LZTS1: variants seen among roughly 807,000 people sequenced by gnomAD.
The protein encoded by LZTS1 is leucine zipper putative tumor suppressor 1.
LZTS1 carries 31 observed loss-of-function variants against 45.8 expected under a neutral mutation model. That is an observed-to-expected ratio of 0.68 (90% CI 0.51 to 0.91). LZTS1 has a LOEUF of 0.91. Ranked by LOEUF, LZTS1 falls within the 40% of genes least tolerant of loss-of-function variation. LZTS1 has a pLI of 0.00. For synonymous variants in LZTS1, 359 were observed against 357.3 expected (o/e 1.00, Z -0.05); for missense variants, 821 against 788.9 (o/e 1.04, Z -0.49).
rs571345752 is a variant in LZTS1, at chr8:20,247,956, G to C, written c.*1766C>G. ...TGGCTACAGTCAAAAATAGAACATG[G>C]AACAGCCTGCTAGGTCTGGCTTGCT... On this transcript the variant is annotated 3_prime_UTR_variant, in exon 4 of 4. Transcript: ENST00000381569. 1 of 152,704 alleles carries C rather than the reference G, an allele frequency of 6.5e-6. No homozygotes were observed. The highest frequency in any genetic ancestry group is 2.4e-5 in the African/African-American group (1 of 41,548). The allele number at this position is 152,704 out of a possible 1,614,324, so 9.5% of individuals were successfully genotyped here. A position where few individuals can be genotyped will look rare whatever the true frequency, so the allele number is the denominator to read the frequency against.
At chr8:20,289,659 C>T (rs11204109) in intron 1 of LZTS1, 40,964 of 152,058 alleles carry the variant, frequency 0.27, 5,872 homozygotes, top group South Asian at 0.39. Context: ...TCCCTAAGAC[C>T]CTCCTGGGTG....
intron 1 of LZTS1, among the ~76,000 whole-genome samples, chr8:20,284,662 C>T (rs898070110): frequency 6.6e-6 from 1 of 152,100 alleles, no homozygotes; most frequent in Non-Finnish European, 1.5e-5. Context: ...TGGTTCTCGC[C>T]TCTGCATTTG....
At chr8:20,253,692 C>T (rs1415216319) in intron 2 of LZTS1, 107 bp from the exon 3 acceptor site, 10 of 811,390 alleles carry the variant, frequency 1.2e-5, no homozygotes, top group South Asian at 4.5e-5. Flanking sequence ...GCTCTCTGAG[C>T]GCACGCAGCA....
At position 20,250,435 on chromosome 8, in the gene LZTS1, G is replaced by A. The variant is rs576151141; in HGVS notation, c.1150-72C>T. On this transcript the variant is annotated intron_variant, in intron 3 of 3. Transcript: ENST00000381569. ...TACCCAGGGAAGTGACAGCTCAGCT[G>A]CCTAAAATAACCAAGCCACTCCGGA... The A allele has an allele frequency of 7.6e-6, 11 of 1,451,498 alleles. No individual in the cohort carries two copies. In the African/African-American group the frequency reaches 8.5e-5, roughly 11 times the overall value. 89.9% of individuals were successfully genotyped at this position (1,451,498 alleles called of 1,614,324 possible).
chr8:20,303,068 G>C (rs796165271), intron 1 of LZTS1, among the ~76,000 whole-genome samples: 1 of 152,106 alleles, frequency 6.6e-6, no homozygotes, highest in South Asian at 2.1e-4. Flanking sequence ...GTAGTGTGGG[G>C]CTGTCTGTGT....
intron 1 of LZTS1, among the ~76,000 whole-genome samples, chr8:20,269,705 G>A (rs1398124007): frequency 6.6e-6 from 1 of 152,178 alleles, no homozygotes; most frequent in Non-Finnish European, 1.5e-5. Flanking sequence ...GTTGACACCT[G>A]GTTAGCCTTT....
At chr8:20,250,579 A>C (rs2128891246) in intron 3 of LZTS1, among the ~76,000 whole-genome samples, 1 of 152,314 alleles carries the variant, frequency 6.6e-6, no homozygotes, top group African/African-American at 2.4e-5. Flanking sequence ...ATAAAATAAT[A>C]ATAATCATGT....
At chr8:20,278,537 C>A (rs1038955285) in intron 1 of LZTS1, among the ~76,000 whole-genome samples, 2 of 152,220 alleles carry the variant, frequency 1.3e-5, no homozygotes, top group African/African-American at 4.8e-5. Context: ...GTGCTTCACT[C>A]CATTTCATTC....
chr8:20,266,435 G>A (rs866540908), intron 1 of LZTS1, among the ~76,000 whole-genome samples: 6 of 152,120 alleles, frequency 3.9e-5, no homozygotes, highest in Non-Finnish European at 5.9e-5. Context: ...CTTAAACTGA[G>A]GTCTCCACAT....
At chr8:20,298,723 G>A (rs1801018898) in intron 1 of LZTS1, among the ~76,000 whole-genome samples, 2 of 152,162 alleles carry the variant, frequency 1.3e-5, no homozygotes, top group South Asian at 4.1e-4. Context: ...AATTAGCCAG[G>A]TGTGTTGGTA....
chr8:20,295,387 T>C (rs1800963619), intron 1 of LZTS1, among the ~76,000 whole-genome samples: 1 of 152,218 alleles, frequency 6.6e-6, no homozygotes, highest in African/African-American at 2.4e-5. Context: ...CCAAGCCCTG[T>C]AGATTCCCTT....
intron 1 of LZTS1, among the ~76,000 whole-genome samples, chr8:20,276,467 A>T (rs1800585141): frequency 6.6e-6 from 1 of 152,220 alleles, no homozygotes; most frequent in South Asian, 2.1e-4. Flanking sequence ...GGGCTCAGGA[A>T]GTTTCTGGAT....
chr8:20,291,065 G>T (rs1800892646), intron 1 of LZTS1, among the ~76,000 whole-genome samples: 1 of 152,220 alleles, frequency 6.6e-6, no homozygotes, highest in Admixed American at 6.5e-5. Flanking sequence ...CCCACTTTCA[G>T]AGCTGAGTCC....
chr8:20,298,770 G>T (rs2128899973), intron 1 of LZTS1, among the ~76,000 whole-genome samples: 1 of 152,078 alleles, frequency 6.6e-6, no homozygotes, highest in East Asian at 2.0e-4. Flanking sequence ...AGTCTGAGGA[G>T]AGAGGACTGG....
At chr8:20,277,157 T>C (rs1800600874) in intron 1 of LZTS1, among the ~76,000 whole-genome samples, 2 of 152,246 alleles carry the variant, frequency 1.3e-5, no homozygotes, top group African/African-American at 4.8e-5. Context: ...AAGATGGTGA[T>C]GAGAGTGACC....
chr8:20,278,716 T>G (rs2128896925), intron 1 of LZTS1, among the ~76,000 whole-genome samples: 1 of 152,318 alleles, frequency 6.6e-6, no homozygotes, highest in East Asian at 1.9e-4. Context: ...CAATACATAT[T>G]CATCAAATGA....
intron 1 of LZTS1, among the ~76,000 whole-genome samples, chr8:20,268,600 C>G (rs535292899): frequency 6.6e-6 from 1 of 152,262 alleles, no homozygotes; most frequent in East Asian, 1.9e-4. Flanking sequence ...CTGCAAACCT[C>G]CCCGTGCTCA....
At chr8:20,291,204 C>G (rs537299683) in intron 1 of LZTS1, among the ~76,000 whole-genome samples, 1 of 152,358 alleles carries the variant, frequency 6.6e-6, no homozygotes, top group South Asian at 2.1e-4. Flanking sequence ...ACCAACGACT[C>G]CTTCCCATAC....
intron 1 of LZTS1, among the ~76,000 whole-genome samples, chr8:20,269,499 G>C (rs1008582489): frequency 6.6e-6 from 1 of 152,218 alleles, no homozygotes; most frequent in Admixed American, 6.5e-5. Flanking sequence ...AAAGATCCCA[G>C]GTCTGAGTCT....
Sources: allele counts gnomAD v4.1 joint callset (sites outside exome capture counted in the v4.1 genomes callset), GRCh38; gene constraint gnomAD v4.1.1; transcripts MANE v1.5; gene names NCBI Gene and HGNC (gene_info 2026-07-23, HGNC 2026-07-21).